The following ATP2B2 variants were observed in gnomAD, a reference collection of about 807,000 sequenced individuals.
ATP2B2 encodes the protein ATPase plasma membrane Ca2+ transporting 2.
Under a neutral mutation model 120.0 loss-of-function variants are expected in ATP2B2, and 15 were observed. That is an observed-to-expected ratio of 0.12 (90% CI 0.08 to 0.19). The LOEUF is 0.19. ATP2B2 is among the 10% of genes least tolerant of loss of function. ATP2B2 has a pLI of 1.00. For synonymous variants in ATP2B2, 694 were observed against 700.3 expected (o/e 0.99, Z 0.14); for missense variants, 1,045 against 1,719.8 (o/e 0.61, Z 6.94).
intron 2 of ATP2B2, among the ~76,000 whole-genome samples, chr3:10,603,465 A>G (rs1431010073): frequency 1.3e-5 from 2 of 152,234 alleles, no homozygotes; most frequent in South Asian, 2.1e-4. Flanking sequence ...TCATTGTTGG[A>G]ATGCAAATGC....
At chr3:10,673,758 G>T (rs1231083997) in intron 1 of ATP2B2, among the ~76,000 whole-genome samples, 1 of 126,446 alleles carries the variant, frequency 7.9e-6, no homozygotes, top group Non-Finnish European at 1.6e-5. Context: ...AGTTAGCCGT[G>T]ATGGCACCAC....
chr3:10,585,122 G>C (rs1030851228), intron 2 of ATP2B2, among the ~76,000 whole-genome samples: 1 of 152,116 alleles, frequency 6.6e-6, no homozygotes, highest in Admixed American at 6.6e-5. Context: ...GGATCCCACA[G>C]AGCAGCCAGA....
At chr3:10,602,140 G>T (rs1189138911) in intron 2 of ATP2B2, among the ~76,000 whole-genome samples, 1 of 151,756 alleles carries the variant, frequency 6.6e-6, no homozygotes, top group East Asian at 1.9e-4. Flanking sequence ...CCCACTTCCT[G>T]CCCTGGCCTC....
At chr3:10,685,055 C>G (rs962673816) in intron 1 of ATP2B2, among the ~76,000 whole-genome samples, 2 of 152,188 alleles carry the variant, frequency 1.3e-5, no homozygotes, top group African/African-American at 4.8e-5. Context: ...TAGACAGACT[C>G]TCTAAATCCA....
At chr3:10,585,519 A>G (rs2068490438) in intron 2 of ATP2B2, among the ~76,000 whole-genome samples, 1 of 147,058 alleles carries the variant, frequency 6.8e-6, no homozygotes, top group Non-Finnish European at 1.5e-5. Context: ...AAAAAAAAAG[A>G]TCCAGTGAGA....
intron 1 of ATP2B2, among the ~76,000 whole-genome samples, chr3:10,503,656 T>A (rs1002790967): frequency 6.6e-6 from 1 of 152,258 alleles, no homozygotes; most frequent in African/African-American, 2.4e-5. Context: ...CGTCTTCTTA[T>A]GTGTGCAACT....
At chr3:10,454,634 G>T (rs73018761) in intron 1 of ATP2B2, among the ~76,000 whole-genome samples, 6,749 of 152,250 alleles carry the variant, frequency 0.044, 283 homozygotes, top group Admixed American at 0.14. Flanking sequence ...TTTGGTGCTT[G>T]CTCTGACAGC....
intron 1 of ATP2B2, among the ~76,000 whole-genome samples, chr3:10,694,640 T>A (rs1362520529): frequency 6.6e-6 from 1 of 152,214 alleles, no homozygotes; most frequent in African/African-American, 2.4e-5. Context: ...ATGGCACCTA[T>A]TTCTTCTCCA....
At chr3:10,563,800 A>C (rs868748106) in intron 2 of ATP2B2, among the ~76,000 whole-genome samples, 4 of 152,356 alleles carry the variant, frequency 2.6e-5, no homozygotes, top group South Asian at 4.1e-4. Flanking sequence ...CAGTATTAGC[A>C]TCCCCATTTT....
At chr3:10,557,190 G>A (rs1379400513) in intron 2 of ATP2B2, among the ~76,000 whole-genome samples, 2 of 152,222 alleles carry the variant, frequency 1.3e-5, no homozygotes, top group Non-Finnish European at 2.9e-5. Flanking sequence ...TTGGGCCCTG[G>A]GTGGCCACTG....
At chr3:10,486,312 TGTGTGTGCGTGC>T (rs1553616019) in intron 1 of ATP2B2, among the ~76,000 whole-genome samples, 1 of 110,244 alleles carries the variant, frequency 9.1e-6, no homozygotes, top group African/African-American at 3.2e-5. Flanking sequence ...AGCAGCCAGG[TGTGTGTGCGTGC>T]GTGTGTGTGT....
At chr3:10,445,139 TATA>T (rs1372685974) in intron 2 of ATP2B2, among the ~76,000 whole-genome samples, 1 of 152,160 alleles carries the variant, frequency 6.6e-6, no homozygotes, top group Non-Finnish European at 1.5e-5. Context: ...AACACTAGAG[TATA>T]ATAACAATGA....
chr3:10,684,698 T>A (rs1463334371), intron 1 of ATP2B2, among the ~76,000 whole-genome samples: 3 of 152,222 alleles, frequency 2.0e-5, no homozygotes, highest in African/African-American at 4.8e-5. Context: ...GCATCCAATA[T>A]GTCCGGATCA....
chr3:10,368,856 C>T (rs2061145437), intron 12 of ATP2B2, among the ~76,000 whole-genome samples: 1 of 152,196 alleles, frequency 6.6e-6, no homozygotes. Context: ...CTACCTATCC[C>T]TCATCTCATT....
At chr3:10,424,058 C>T (rs1559320774) in intron 2 of ATP2B2, among the ~76,000 whole-genome samples, 2 of 152,220 alleles carry the variant, frequency 1.3e-5, no homozygotes, top group South Asian at 2.1e-4. Flanking sequence ...TTCAATGATG[C>T]AGGACCAATG....
intron 1 of ATP2B2, among the ~76,000 whole-genome samples, chr3:10,463,271 T>C (rs1053253345): frequency 7.9e-5 from 12 of 152,170 alleles, no homozygotes; most frequent in South Asian, 4.2e-4. Context: ...GAACAGGGCC[T>C]CTCCAGTCCC....
intron 2 of ATP2B2, among the ~76,000 whole-genome samples, chr3:10,540,171 A>G (rs1412078600): frequency 2.6e-5 from 4 of 152,228 alleles, no homozygotes; most frequent in South Asian, 2.1e-4. Context: ...ACAATGAGAT[A>G]CCATCTCACA....
chr3:10,644,106 T>C (rs2070249311), intron 1 of ATP2B2, among the ~76,000 whole-genome samples: 1 of 152,142 alleles, frequency 6.6e-6, no homozygotes, highest in Admixed American at 6.6e-5. Flanking sequence ...AATTTAAAAA[T>C]GGGCAAAGGG....
chr3:10,555,704 G>C (rs536896179), intron 2 of ATP2B2, among the ~76,000 whole-genome samples: 3 of 152,214 alleles, frequency 2.0e-5, no homozygotes, highest in African/African-American at 7.2e-5. Flanking sequence ...TGGGGCTGGT[G>C]GGGAGAAGCC....
Sources: allele counts gnomAD v4.1 joint callset (sites outside exome capture counted in the v4.1 genomes callset), GRCh38; gene constraint gnomAD v4.1.1; transcripts MANE v1.5; gene names NCBI Gene and HGNC (gene_info 2026-07-23, HGNC 2026-07-21).